OAS2: variants seen among roughly 807,000 people sequenced by gnomAD.
The protein encoded by OAS2 is 2'-5'-oligoadenylate synthetase 2.
OAS2 carries 67 observed loss-of-function variants against 71.3 expected under a neutral mutation model. The observed-to-expected ratio is 0.94, with a 90% CI of 0.77 to 1.15. The LOEUF (loss-of-function observed/expected upper bound fraction) is 1.15, where lower values mean the gene tolerates loss of function less well. Ranked by LOEUF, OAS2 falls within the 50% of genes most tolerant of loss-of-function variation. The probability of loss-of-function intolerance (pLI) is 0.00; values close to 1 mark genes in which losing one functional copy is unlikely to be tolerated. For synonymous variants in OAS2, 327 were observed against 321.8 expected (o/e 1.02, Z -0.17); for missense variants, 789 against 822.5 (o/e 0.96, Z 0.50).
In OAS2 at chr12:113,007,826, G is replaced by A. The variant is rs541036111; in HGVS notation, c.1778G>A (p.Arg593Gln). 1.2e-5 allele frequency: 20 copies of A among 1,614,116 alleles called. No homozygotes were observed. The highest frequency in any genetic ancestry group is 1.7e-4 in the Middle Eastern group (1 of 6,060). ...GATTTTGACACTGCAGAAGGTTTCC[G>A]GACAGTCCTGGAGCTGGTCACACAA... ...VPDFDTAEGF[R>Q]TVLELVTQYQ... Residue 593 changes from arginine (R) to glutamine (Q), a missense_variant, in exon 9 of 10, where the codon CGG becomes CAG. Arg to Gln is a conservative substitution (Grantham distance 43). Transcript: ENST00000392583.
intron 2 of OAS2, 87 bp from the exon 3 acceptor site, chr12:112,995,209 T>C: frequency 1.1e-5 from 14 of 1,249,708 alleles, no homozygotes; most frequent in Non-Finnish European, 1.6e-5. Context: ...GCTATCAAAC[T>C]ATAACTGACC....
intron 3 of OAS2, among the ~76,000 whole-genome samples, chr12:112,996,941 G>A (rs965069368): frequency 6.6e-6 from 1 of 152,150 alleles, no homozygotes; most frequent in African/African-American, 2.4e-5. Context: ...AACAAAGAAC[G>A]AGGTCAGGGT....
intron 3 of OAS2, among the ~76,000 whole-genome samples, chr12:112,997,128 C>G (rs1057091884): frequency 6.6e-6 from 1 of 152,082 alleles, no homozygotes; most frequent in Non-Finnish European, 1.5e-5. Flanking sequence ...GTGACTATTA[C>G]CTTCTTTTTT....
At chr12:113,006,264 C>T in intron 7 of OAS2, 149 bp from the exon 8 acceptor site, 1 of 566,280 alleles carries the variant, frequency 1.8e-6, no homozygotes, top group Non-Finnish European at 2.8e-6. Context: ...TCTGGAGATG[C>T]TCCCTGTGTC....
Position 112,998,376 on chromosome 12 carries a change from AT to A in OAS2, c.975del (p.Asp325GlufsTer39). 6.2e-7 allele frequency: 1 copy of A among 1,611,352 alleles called. No homozygotes were observed. Among genetic ancestry groups the A allele is most frequent in the African/African-American group, 1.3e-5 (1 of 74,764 alleles). On this transcript the variant is annotated frameshift_variant, in exon 5 of 10. Transcript: ENST00000392583. LOFTEE classifies it high-confidence loss of function. ...AQTWLTSPNL[D>X]NELPAPSWNV... ...ACCTGGTTGACTTCTCCCAACCTGG[AT>A]AATGAGTTACCTGCACCATCTTGGA...
intron 6 of OAS2, among the ~76,000 whole-genome samples, chr12:113,004,157 G>A (rs540079770): frequency 6.6e-6 from 1 of 152,320 alleles, no homozygotes; most frequent in African/African-American, 2.4e-5. Context: ...GAGATTGTAA[G>A]GAAGGGGCTA....
rs1238255312 is a variant in OAS2 at position 112,978,643 on chromosome 12, C to T, written c.35C>T (p.Pro12Leu). Residue 12 changes from proline (P) to leucine (L), a missense_variant, in exon 1 of 10, where the codon CCT (proline) becomes CTT (leucine). Transcript: ENST00000392583. This position sits in a 1 kb window ranked among gnomAD's most constrained non-coding sequence, Gnocchi z 4.2. ...GNGESQLSSV[P>L]AQKLGWFIQE... ...GGGGAGTCCCAGCTGTCCTCGGTGC[C>T]TGCTCAGAAGCTGGGTTGGTTTATC... The T allele has an allele frequency of 6.2e-7, 1 of 1,614,034 alleles. No individual in the cohort carries two copies. The highest frequency in any genetic ancestry group is 8.5e-7 in the Non-Finnish European group (1 of 1,180,014).
At chr12:113,004,442 G>C (rs889039508) in intron 6 of OAS2, among the ~76,000 whole-genome samples, 2 of 152,212 alleles carry the variant, frequency 1.3e-5, no homozygotes, top group African/African-American at 4.8e-5. Flanking sequence ...AGCCCACAAA[G>C]CCTAAAATAC....
chr12:112,988,221 TA>T, intron 2 of OAS2: 1 of 985,352 alleles, frequency 1.0e-6, no homozygotes, highest in African/African-American at 1.7e-5. Context: ...TGGTCATCAA[TA>T]CCACTGTTAA....
chr12:113,005,292 AT>A (rs1565997239), intron 7 of OAS2, 70 bp downstream of exon 7: 1 of 1,466,080 alleles, frequency 6.8e-7, no homozygotes, highest in Non-Finnish European at 9.3e-7. Context: ...ACGTGACTTG[AT>A]TACGGGCTCT....
chr12:113,007,322 G>A (rs1005671385), intron 8 of OAS2, among the ~76,000 whole-genome samples: 1 of 152,160 alleles, frequency 6.6e-6, no homozygotes, highest in Non-Finnish European at 1.5e-5. Flanking sequence ...TGGGGCTGTG[G>A]CGTGACCTTG....
chr12:112,991,934 G>A (rs1221705337), intron 2 of OAS2, among the ~76,000 whole-genome samples: 1 of 152,086 alleles, frequency 6.6e-6, no homozygotes. Flanking sequence ...TGGATGGATG[G>A]AGCATGATGG....
chr12:113,004,957 A>G lies in OAS2; in HGVS notation c.1203A>G (p.Thr401=), dbSNP rs754516199. 2 of 1,614,170 alleles carry G rather than the reference A, an allele frequency of 1.2e-6. No homozygotes were observed. The highest frequency in any genetic ancestry group is 2.2e-5 in the East Asian group (1 of 44,882). The part of the protein sequence containing the change: ...IVRGGSTAKG[T]ALKTGSDADL... ...AGGGAGGATCAACCGCCAAAGGCAC[A>G]GCTCTGAAGACTGGCTCTGATGCCG... is the stretch of plus-strand genomic sequence containing the variant. Residue 401 remains threonine, a synonymous_variant, in exon 7 of 10, where the codon ACA becomes ACG. Coordinates refer to ENST00000392583, the MANE Select transcript of OAS2 (RefSeq NM_002535.3).
chr12:112,995,824 TG>T (rs1267887711), intron 3 of OAS2, among the ~76,000 whole-genome samples: 1 of 152,152 alleles, frequency 6.6e-6, no homozygotes, highest in Non-Finnish European at 1.5e-5. Flanking sequence ...TTCATATGGT[TG>T]CAGGGTCTTG....
rs1328142629 is a variant in OAS2 at position 113,007,645 on chromosome 12, T to G, written c.1657-60T>G. The stretch of plus-strand genomic sequence containing the variant: ...CTCAGTTGCCTTGCTGTGGTCCCTG[T>G]GCGGCTCTCACTGAGCTCCTAGGCT... On this transcript the variant is annotated intron_variant, in intron 8 of 9. Coordinates refer to ENST00000392583, the MANE Select transcript of OAS2 (RefSeq NM_002535.3). 5.8e-6 allele frequency: 8 copies of G among 1,386,200 alleles called. No homozygotes were observed. The African/African-American group carries it at 9.9e-5, about 17-fold the overall frequency. The allele number at this position is 1,386,200 out of a possible 1,614,324, so 85.9% of individuals were successfully genotyped here.
chr12:112,987,987 G>C (rs1472157980), intron 2 of OAS2: 1 of 985,302 alleles, frequency 1.0e-6, no homozygotes, highest in East Asian at 1.1e-4. Context: ...GATGGCTAGA[G>C]TGACTCCATC....
At chr12:113,001,178 T>C (rs541654449) in intron 5 of OAS2, among the ~76,000 whole-genome samples, 2 of 151,822 alleles carry the variant, frequency 1.3e-5, no homozygotes, top group Admixed American at 6.6e-5. Context: ...ACCCCGTCTC[T>C]ACAAAAATAA....
chr12:112,987,888 C>G, intron 2 of OAS2: 1 of 985,764 alleles, frequency 1.0e-6, no homozygotes, highest in Non-Finnish European at 1.2e-6. Context: ...ACCTGCCCAC[C>G]TCTTGTGTCT....
intron 3 of OAS2, among the ~76,000 whole-genome samples, chr12:112,996,752 G>A (rs567257835): frequency 6.6e-5 from 10 of 152,204 alleles, no homozygotes; most frequent in East Asian, 1.9e-4. Context: ...AAGGTGGGAC[G>A]TCTCCAAGCA....
Sources: gnomAD v4.1 joint callset for allele counts (sites outside exome capture counted in the v4.1 genomes callset) on GRCh38, gnomAD v4.1.1 for gene constraint, Gnocchi (gnomAD v3.1) non-coding constraint, MANE v1.5 for transcripts, NCBI Gene and HGNC (gene_info 2026-07-23, HGNC 2026-07-21) for gene names.